Variants in PDE1A observed in about 807,000 individuals in gnomAD.
The protein encoded by PDE1A is dual specificity calcium/calmodulin-dependent 3',5'-cyclic nucleotide phosphodiesterase 1A.
PDE1A carries 35 observed loss-of-function variants against 61.7 expected under a neutral mutation model. The observed-to-expected ratio is 0.57, with a 90% CI of 0.43 to 0.75. The LOEUF (loss-of-function observed/expected upper bound fraction) is 0.75. Ranked by LOEUF, PDE1A falls within the 30% of genes least tolerant of loss-of-function variation. The probability of loss-of-function intolerance (pLI) is 0.00; values close to 1 mark genes in which losing one functional copy is unlikely to be tolerated. For missense variants in PDE1A, 597 were observed against 630.6 expected, an observed-to-expected ratio of 0.95 and a Z score of 0.57; for synonymous variants, 232 against 213.2, an observed-to-expected ratio of 1.09 and a Z score of -0.77.
At chr2:182,308,527 T>C (rs950646113) in intron 1 of PDE1A, among the ~76,000 whole-genome samples, 10 of 151,994 alleles carry the variant, frequency 6.6e-5, no homozygotes, top group Non-Finnish European at 1.3e-4. Flanking sequence ...GATCATGTTT[T>C]CTCCCCCTTC....
rs558665928 is a variant in PDE1A, at chr2:182,386,007, G to A, written c.53+40571C>T. Among the ~76,000 whole-genome samples the A allele has an allele frequency of 5.1e-4, 77 of 152,320 alleles. 1 individual carries two copies. Among genetic ancestry groups the A allele is most frequent in the Middle Eastern group, 3.4e-3 (1 of 294 alleles). On this transcript the variant is annotated intron_variant, in intron 1 of 13. Coordinates refer to ENST00000351439, the Ensembl canonical transcript of PDE1A. ...GCCGAGTGCCTGTGATTGCGGGCGT[G>A]TGCCGCCACGCCTGACTGTGTTTTT...
chr2:182,693,074 A>C, the PDE1A span, among the ~76,000 whole-genome samples: 2 of 152,126 alleles, frequency 1.3e-5, no homozygotes, highest in African/African-American at 4.8e-5. Context: ...TGGGTGACAG[A>C]GAGAGACCCT....
At chr2:182,425,329 T>C (rs1012768868) in intron 1 of PDE1A, among the ~76,000 whole-genome samples, 15 of 152,170 alleles carry the variant, frequency 9.9e-5, no homozygotes, top group Non-Finnish European at 2.1e-4. Context: ...AGATACTACA[T>C]ACAATTGGAA....
the PDE1A span, among the ~76,000 whole-genome samples, chr2:182,669,829 C>G: frequency 6.6e-6 from 1 of 152,178 alleles, no homozygotes; most frequent in Non-Finnish European, 1.5e-5. Context: ...ATGGCAGACG[C>G]ACCTGCGTGT....
chr2:182,183,191 C>T (rs1489814135), intron 13 of PDE1A, among the ~76,000 whole-genome samples: 1 of 152,116 alleles, frequency 6.6e-6, no homozygotes, highest in Non-Finnish European at 1.5e-5. Flanking sequence ...AGGAATACTT[C>T]CTGCTATAGT....
the PDE1A span, among the ~76,000 whole-genome samples, chr2:182,668,486 C>T: frequency 8.6e-5 from 13 of 151,902 alleles, no homozygotes; most frequent in East Asian, 1.9e-3. Flanking sequence ...TAACTGTAAG[C>T]CACACACACA....
At chr2:182,356,357 T>C (rs181512075) in intron 1 of PDE1A, among the ~76,000 whole-genome samples, 52 of 152,296 alleles carry the variant, frequency 3.4e-4, no homozygotes, top group Admixed American at 3.0e-3. Context: ...TACAAAACTT[T>C]TTCCATCTAA....
At chr2:182,145,586 A>G (rs1690452581), downstream of PDE1A, among the ~76,000 whole-genome samples, 1 of 151,982 alleles carries the variant, frequency 6.6e-6, no homozygotes, top group Non-Finnish European at 1.5e-5. Context: ...AAAATTAGCC[A>G]GGCTTGGGGG....
the PDE1A span, among the ~76,000 whole-genome samples, chr2:182,628,679 T>A: frequency 0.02 from 3,051 of 152,278 alleles, 53 homozygotes; most frequent in Non-Finnish European, 0.03. Flanking sequence ...TGTTTTTTTT[T>A]AATTATTCAA....
At chr2:182,239,211 G>T (rs1311293077) in intron 3 of PDE1A, among the ~76,000 whole-genome samples, 1 of 152,136 alleles carries the variant, frequency 6.6e-6, no homozygotes, top group Non-Finnish European at 1.5e-5. Context: ...GTAATGCCTA[G>T]AGATATCAGA....
chr2:182,150,232 T>C (rs1003263974), intron 13 of PDE1A, among the ~76,000 whole-genome samples: 2 of 152,160 alleles, frequency 1.3e-5, no homozygotes, highest in Non-Finnish European at 2.9e-5. Flanking sequence ...TAAAAAGAAA[T>C]CCCTCTCTAA....
At chr2:182,369,559 G>T (rs141064354) in intron 1 of PDE1A, among the ~76,000 whole-genome samples, 2 of 152,018 alleles carry the variant, frequency 1.3e-5, no homozygotes, top group Non-Finnish European at 2.9e-5. Context: ...GGTCTCTGGG[G>T]TGTCATATAA....
the PDE1A span, among the ~76,000 whole-genome samples, chr2:182,667,864 G>C: frequency 6.6e-6 from 1 of 152,096 alleles, no homozygotes; most frequent in East Asian, 1.9e-4. Context: ...GTAAACCCTT[G>C]GGATCTGAAA....
intron 7 of PDE1A, among the ~76,000 whole-genome samples, chr2:182,222,489 G>A (rs1372932255): frequency 6.6e-6 from 1 of 151,922 alleles, no homozygotes; most frequent in Non-Finnish European, 1.5e-5. Flanking sequence ...TTATACATTT[G>A]TCAAAACCCA....
intron 2 of PDE1A, among the ~76,000 whole-genome samples, chr2:182,259,781 A>G (rs537743885): frequency 1.3e-5 from 2 of 152,344 alleles, no homozygotes; most frequent in East Asian, 1.9e-4. Flanking sequence ...TCTTGAAAGT[A>G]TATCTCTCAG....
rs1306389993 is a variant in PDE1A, at chr2:182,186,450, A to C, written c.1328+18T>G. On this transcript the variant is annotated intron_variant, in intron 12 of 13. Transcript: ENST00000351439. ...CACCACAAAGATGAAAAATAATGCA[A>C]AAAAGAAAATATCATACCTGCTTGC... 1.9e-6 allele frequency: 3 copies of C among 1,606,570 alleles called. No individual in the cohort carries two copies. The highest frequency in any genetic ancestry group is 2.5e-6 in the Non-Finnish European group (3 of 1,178,404).
intron 2 of PDE1A, among the ~76,000 whole-genome samples, chr2:182,518,545 T>C (rs1435332455): frequency 6.6e-6 from 1 of 152,094 alleles, no homozygotes; most frequent in African/African-American, 2.4e-5. Flanking sequence ...TTCGTCGGGA[T>C]GGGGGAGATA....
chr2:182,553,928 T>C, the PDE1A span, among the ~76,000 whole-genome samples: 2 of 152,188 alleles, frequency 1.3e-5, no homozygotes, highest in Admixed American at 6.5e-5. Context: ...CAGGAGACTT[T>C]AGACAGTCAA....
chr2:182,407,175 G>T (rs1226539633), intron 1 of PDE1A, among the ~76,000 whole-genome samples: 2 of 152,086 alleles, frequency 1.3e-5, no homozygotes, highest in Non-Finnish European at 2.9e-5. Context: ...ATTAAATGCT[G>T]TTCATGTCTT....
Sources: allele counts gnomAD v4.1 joint callset (sites outside exome capture counted in the v4.1 genomes callset), GRCh38; gene constraint gnomAD v4.1.1; transcripts MANE v1.5; gene names NCBI Gene and HGNC (gene_info 2026-07-23, HGNC 2026-07-21).